IGHMBP2: variants seen among roughly 807,000 people sequenced by gnomAD.
IGHMBP2 encodes DNA-binding protein SMUBP-2.
In IGHMBP2, 81 loss-of-function variants were observed where a neutral mutation model predicts 96.0. That is an observed-to-expected ratio of 0.84 (90% CI 0.71 to 1.01). IGHMBP2 has a LOEUF of 1.01. IGHMBP2 is among the 50% of genes least tolerant of loss of function. The pLI is 0.00. For missense variants in IGHMBP2, 1,227 were observed against 1,306.3 expected (o/e 0.94, Z 0.94); for synonymous variants, 557 against 548.9 (o/e 1.01, Z -0.21).
At chr11:68,914,211 C>G (rs1858557270) in intron 5 of IGHMBP2, among the ~76,000 whole-genome samples, 1 of 151,860 alleles carries the variant, frequency 6.6e-6, no homozygotes, top group Admixed American at 6.6e-5. Flanking sequence ...TATCCAAAAA[C>G]AACTGTCCAT....
At chr11:68,934,185 T>A in intron 10 of IGHMBP2, 1 of 611,394 alleles carries the variant, frequency 1.6e-6, no homozygotes, top group Non-Finnish European at 2.9e-6. Flanking sequence ...TGATGGGAAC[T>A]GTCATTGCTC....
chr11:68,933,892 G>T lies in IGHMBP2; in HGVS notation c.1516G>T (p.Glu506Ter), dbSNP rs556292818. The T allele has an allele frequency of 6.3e-7, 1 of 1,596,536 alleles. No homozygotes were observed. Among genetic ancestry groups the T allele is most frequent in the South Asian group, 1.1e-5 (1 of 88,568 alleles). The change falls in exon 10 of 15, where the codon GAA becomes TAA. Residue 506 changes from glutamate to a stop codon, truncating the protein, a stop_gained. Transcript: ENST00000255078. LOFTEE classifies it high-confidence loss of function. ...GCTGTTTGAGCTGGAGGAGGAGGAC[G>T]AACAGTCGAAAGGGAACCCTGGTGA... is the stretch of plus-strand genomic sequence containing the variant. ...CGLFELEEED[E>*]QSKGNPGEVR...
intron 7 of IGHMBP2, among the ~76,000 whole-genome samples, chr11:68,920,536 G>A (rs1260501311): frequency 6.6e-6 from 1 of 152,244 alleles, no homozygotes; most frequent in Non-Finnish European, 1.5e-5. Flanking sequence ...AACTGGAGTT[G>A]CAGTGGTGCA....
intron 7 of IGHMBP2, among the ~76,000 whole-genome samples, chr11:68,918,557 G>T (rs1338797930): frequency 1.3e-5 from 2 of 152,112 alleles, no homozygotes; most frequent in African/African-American, 4.8e-5. Flanking sequence ...TAGGAGAATT[G>T]CTTGAATCCT....
At position 68,929,217 on chromosome 11, in the gene IGHMBP2, C is replaced by T. The variant is rs753290152; in HGVS notation, c.1095C>T (p.Pro365=). 1.2e-5 allele frequency: 19 copies of T among 1,613,506 alleles called. No individual in the cohort carries two copies. The African/African-American group carries it at 1.3e-4, about 11-fold the overall frequency. The change falls in exon 8 of 15, where the codon CCC becomes CCT. Residue 365 remains proline (P), a synonymous_variant. Coordinates refer to ENST00000255078, the MANE Select transcript of IGHMBP2 (RefSeq NM_002180.3). The stretch of plus-strand genomic sequence containing the variant: ...CCGATGGCCCCCTGAAGTTGCTGCC[C>T]GAGAGCTACTTCGACGTGGTGGTCA... ...ASADGPLKLL[P]ESYFDVVVID...
rs1858432477 is a variant in IGHMBP2, at chr11:68,911,468, G to A, written c.576G>A (p.Leu192=). ...IHPLTFFNTC[L]DTSQKEAVLF... is the part of the protein sequence containing the mutation. ...CGCTGACATTCTTCAACACCTGCCTGGACACCTCCCAGAAAGAAGCGGTTT... is the reference window on the plus strand; with the variant it reads ...CGCTGACATTCTTCAACACCTGCCTAGACACCTCCCAGAAAGAAGCGGTTT... The change falls in exon 5 of 15, where the codon CTG becomes CTA. Residue 192 remains leucine, a synonymous_variant. Coordinates refer to ENST00000255078, the MANE Select transcript of IGHMBP2 (RefSeq NM_002180.3). The A allele has an allele frequency of 6.2e-7, 1 of 1,613,956 alleles. No homozygotes were observed. Among genetic ancestry groups the A allele is most frequent in the Non-Finnish European group, 8.5e-7 (1 of 1,180,014 alleles).
chr11:68,933,095 G>A (rs1859377921), intron 8 of IGHMBP2: 2 of 610,446 alleles, frequency 3.3e-6, no homozygotes, highest in Non-Finnish European at 5.9e-6. Context: ...GTCCTGTAAG[G>A]GAACATTCAC....
chr11:68,936,786 A>G lies in IGHMBP2; in HGVS notation c.2306A>G (p.His769Arg). The stretch of plus-strand genomic sequence containing the variant: ...ATAGCCGAGGAGCACGGGCTGAGGC[A>G]CGACAGTTCCGGGGAAGGGAAGAGG... ...HQIAEEHGLRHDSSGEGKRRF... is the reference protein window; with the variant it reads ...HQIAEEHGLRRDSSGEGKRRF... The change falls in exon 13 of 15, where the codon CAC (histidine) becomes CGC (arginine). Residue 769 changes from histidine (H) to arginine (R), a missense_variant. His to Arg is a conservative substitution (Grantham distance 29). Around this residue, in one of 3 missense-constraint regions of IGHMBP2, gnomAD observed 703 missense variants for 770.3 expected, o/e 0.91. Coordinates refer to ENST00000255078, the MANE Select transcript of IGHMBP2 (RefSeq NM_002180.3). 1 of 1,614,054 alleles carries G rather than the reference A, an allele frequency of 6.2e-7. No homozygotes were observed. Among genetic ancestry groups the G allele is most frequent in the Non-Finnish European group, 8.5e-7 (1 of 1,180,028 alleles).
chr11:68,908,054 TA>T, intron 2 of IGHMBP2, 90 bp from the exon 3 acceptor site: 1 of 1,066,236 alleles, frequency 9.4e-7, no homozygotes, highest in Non-Finnish European at 1.5e-6. Context: ...GTAACAAAGA[TA>T]AAATATTTGA....
intron 8 of IGHMBP2, among the ~76,000 whole-genome samples, chr11:68,932,022 C>T (rs948148404): frequency 4.6e-5 from 6 of 129,292 alleles, no homozygotes; most frequent in Non-Finnish European, 6.3e-5. Context: ...AGGATGGTTT[C>T]GGGGAAAACA....
chr11:68,920,542 G>A (rs538532031), intron 7 of IGHMBP2, among the ~76,000 whole-genome samples: 6 of 152,242 alleles, frequency 3.9e-5, no homozygotes, highest in African/African-American at 1.2e-4. Context: ...AGTTGCAGTG[G>A]TGCAATCATG....
chr11:68,940,459 C>G lies in IGHMBP2; in HGVS notation c.*728C>G, dbSNP rs1045826404. 1 of 152,210 alleles carries G rather than the reference C, an allele frequency of 6.6e-6. No homozygotes were observed. Among genetic ancestry groups the G allele is most frequent in the African/African-American group, 2.4e-5 (1 of 41,422 alleles). The allele number at this position is 152,210 out of a possible 1,614,324, so 9.4% of individuals were successfully genotyped here. Reference sequence around the variant, plus strand: ...CAGCCTCAGCATCTTCAGCACTTACCGATCCAGAGCCTCCCGGCCTTCTCC... The same window carrying G: ...CAGCCTCAGCATCTTCAGCACTTACGGATCCAGAGCCTCCCGGCCTTCTCC... On this transcript the variant is annotated 3_prime_UTR_variant, in exon 15 of 15. Transcript: ENST00000255078.
rs1165089814 is a variant in IGHMBP2 at position 68,940,020 on chromosome 11, A to G, written c.*289A>G. On this transcript the variant is annotated 3_prime_UTR_variant, in exon 15 of 15. Coordinates refer to ENST00000255078, the MANE Select transcript of IGHMBP2 (RefSeq NM_002180.3). ...CCAAAACCCACATCCCAGCCTCTGG[A>G]TCCTGGGGAAGGTTCCAGTCCCTGG... 2.2e-6 allele frequency: 1 copy of G among 464,500 alleles called. No individual in the cohort carries two copies. Among genetic ancestry groups the G allele is most frequent in the Non-Finnish European group, 3.9e-6 (1 of 257,236 alleles). The allele number at this position is 464,500 out of a possible 1,614,324, so 28.8% of individuals were successfully genotyped here.
At chr11:68,917,649 C>G in intron 6 of IGHMBP2, 87 bp from the exon 7 acceptor site, 1 of 1,109,634 alleles carries the variant, frequency 9.0e-7, no homozygotes, top group Non-Finnish European at 1.4e-6. Context: ...TTGAACTGGA[C>G]TGAATGATAG....
intron 1 of IGHMBP2, among the ~76,000 whole-genome samples, chr11:68,904,817 T>TTTTTTTTTTA (rs1858121353): frequency 6.7e-6 from 1 of 149,320 alleles, no homozygotes; most frequent in Non-Finnish European, 1.5e-5. Context: ...TTTTTTTTTT[T>TTTTTTTTTTA]AGACAGAGTC....
Position 68,906,181 on chromosome 11 carries a change from T to C in IGHMBP2, c.199T>C (p.Phe67Leu). 6.2e-7 allele frequency: 1 copy of C among 1,614,188 alleles called. No homozygotes were observed. The highest frequency in any genetic ancestry group is 1.3e-5 in the African/African-American group (1 of 75,050). Residue 67 changes from phenylalanine (F) to leucine (L), a missense_variant, in exon 2 of 15, where the codon TTT (phenylalanine) becomes CTT (leucine). Physicochemically the swap from Phe to Leu is conservative, Grantham distance 22. Around this residue, in one of 3 missense-constraint regions of IGHMBP2, gnomAD observed 507 missense variants for 496.9 expected, o/e 1.02. Transcript: ENST00000255078. The stretch of plus-strand genomic sequence containing the variant: ...GCTGTACGGACGGCTGCTGGTCACC[T>C]TTGAGCCCAGGCGATACGGGTCCGC... ...TGLYGRLLVT[F>L]EPRRYGSAAA...
chr11:68,930,991 C>T (rs558125340), intron 8 of IGHMBP2, among the ~76,000 whole-genome samples: 8 of 152,254 alleles, frequency 5.3e-5, no homozygotes, highest in African/African-American at 1.7e-4. Context: ...GCCAATTGGT[C>T]CATGGGTGGC....
At chr11:68,927,848 A>AC (rs1309683627) in intron 7 of IGHMBP2, among the ~76,000 whole-genome samples, 1 of 151,876 alleles carries the variant, frequency 6.6e-6, no homozygotes, top group African/African-American at 2.4e-5. Context: ...CCTGTTCTGC[A>AC]CCCCCCGGGG....
At chr11:68,935,564 G>T (rs529548600) in intron 12 of IGHMBP2, 142 bp downstream of exon 12, 2 of 994,330 alleles carry the variant, frequency 2.0e-6, no homozygotes, top group Non-Finnish European at 3.1e-6. Context: ...GTAAGTTCAC[G>T]TCAGGCAAAG....
Sources: allele counts gnomAD v4.1 joint callset (sites outside exome capture counted in the v4.1 genomes callset), GRCh38; gene constraint gnomAD v4.1.1; regional missense constraint gnomAD v4.1.1; transcripts MANE v1.5; gene names NCBI Gene and HGNC (gene_info 2026-07-23, HGNC 2026-07-21).